The following MSN variants were observed in gnomAD, a reference collection of about 807,000 sequenced individuals.
MSN encodes the protein epididymis luminal protein 70.
MSN carries 2 observed loss-of-function variants against 48.0 expected under a neutral mutation model. That is an observed-to-expected ratio of 0.04 (90% CI 0.02 to 0.13). The LOEUF is 0.13. Among genes scored for constraint, MSN ranks in the 10% least tolerant of loss-of-function variants. The pLI, the probability that MSN is intolerant of heterozygous loss-of-function variation, is 1.00. For synonymous variants in MSN, 146 were observed against 166.9 expected (o/e 0.87, Z 0.97); for missense variants, 267 against 470.1 (o/e 0.57, Z 3.99).
intron 2 of MSN, among the ~76,000 whole-genome samples, chrX:65,719,858 G>A (rs1016518697): frequency 4.5e-5 from 5 of 111,502 alleles, no homozygotes; most frequent in Non-Finnish European, 9.4e-5. Flanking sequence ...GAGCCTAGTG[G>A]GGGCAGAAAA....
intron 1 of MSN, among the ~76,000 whole-genome samples, chrX:65,682,185 A>G (rs753040749): frequency 2.7e-5 from 3 of 112,188 alleles, no homozygotes; most frequent in South Asian, 3.7e-4. Context: ...GAAGCCTGCC[A>G]TGTACTGTGG....
chrX:65,665,769 C>G (rs1463284576), upstream of MSN, among the ~76,000 whole-genome samples: 1 of 111,584 alleles, frequency 9.0e-6, no homozygotes, highest in African/African-American at 3.3e-5. Context: ...AACTCAAGCC[C>G]AGAGAGGGGG....
chrX:65,667,953 G>C, intron 1 of MSN, 100 bp downstream of exon 1: 1 of 947,402 alleles, frequency 1.1e-6, no homozygotes, highest in Non-Finnish European at 1.5e-6. Context: ...CGGCCCGCCT[G>C]GGACGCCGCG....
intron 1 of MSN, among the ~76,000 whole-genome samples, chrX:65,661,445 G>A (rs902031157): frequency 1.1e-4 from 12 of 112,115 alleles, no homozygotes; most frequent in East Asian, 5.5e-4. Context: ...AACCAGCCTC[G>A]CACTCCAGGA....
chrX:65,737,157 C>T (rs1382100709), intron 9 of MSN, 21 bp from the exon 10 acceptor site: 3 of 1,194,452 alleles, frequency 2.5e-6, no homozygotes, highest in Non-Finnish European at 3.4e-6. Context: ...TCACTGCCTT[C>T]TCCCCTCCTT....
chrX:65,697,490 G>T (rs1031014651), intron 1 of MSN, among the ~76,000 whole-genome samples: 1 of 111,723 alleles, frequency 9.0e-6, no homozygotes, highest in South Asian at 3.7e-4. Context: ...CAATGGGTAG[G>T]TTCAGGCTGT....
chrX:65,739,149 T>C lies in MSN; in HGVS notation c.1524T>C (p.Arg508=). ...CCAAGGACCGCAGTGAGGAGGAACG[T>C]ACCACTGAGGCAGAGAAGAATGAGC... is the stretch of plus-strand genomic sequence containing the variant. ...AMAKDRSEEE[R]TTEAEKNERV... Residue 508 remains arginine, a synonymous_variant, in exon 12 of 13, where the codon CGT becomes CGC. Transcript: ENST00000360270. 8.3e-7 allele frequency: 1 copy of C among 1,211,576 alleles called. No individual in the cohort carries two copies. Among genetic ancestry groups the C allele is most frequent in the Non-Finnish European group, 1.1e-6 (1 of 895,298 alleles).
At chrX:65,615,081 C>T (rs1489121741) in intron 1 of MSN, among the ~76,000 whole-genome samples, 1 of 106,921 alleles carries the variant, frequency 9.4e-6, no homozygotes, top group African/African-American at 3.4e-5. Context: ...ATATGTGCCA[C>T]ATTTTCTTAA....
At chrX:65,686,561 T>G (rs1426661360) in intron 1 of MSN, among the ~76,000 whole-genome samples, 1 of 112,875 alleles carries the variant, frequency 8.9e-6, no homozygotes, top group Non-Finnish European at 1.9e-5. Flanking sequence ...TTTTAAATAA[T>G]TTTTTGGGCT....
intron 1 of MSN, 34 bp downstream of exon 1, chrX:65,667,887 T>A (rs1487208467): frequency 8.4e-7 from 1 of 1,190,902 alleles, no homozygotes; most frequent in African/African-American, 1.8e-5. Context: ...TCGACCCCAA[T>A]GGCTCTGGCT....
At chrX:65,732,030 T>C in intron 6 of MSN, 46 bp downstream of exon 6, 2 of 1,156,302 alleles carry the variant, frequency 1.7e-6, no homozygotes, top group Non-Finnish European at 2.3e-6. Flanking sequence ...CGTTAACATC[T>C]AGGGCTCACT....
At chrX:65,732,117 G>C in intron 6 of MSN, 133 bp downstream of exon 6, 1 of 678,917 alleles carries the variant, frequency 1.5e-6, no homozygotes, top group Non-Finnish European at 2.1e-6. Flanking sequence ...CAGCCCAGAT[G>C]ATTTCACAAC....
At chrX:65,705,423 G>T (rs1369640991) in intron 1 of MSN, among the ~76,000 whole-genome samples, 2 of 111,430 alleles carry the variant, frequency 1.8e-5, no homozygotes, top group Non-Finnish European at 3.8e-5. Context: ...TGCCCTGGGG[G>T]TATGGTTTGG....
intron 1 of MSN, among the ~76,000 whole-genome samples, chrX:65,629,916 C>A (rs1473008401): frequency 8.9e-6 from 1 of 111,915 alleles, no homozygotes; most frequent in Non-Finnish European, 1.9e-5. Flanking sequence ...AGGTGGCTCA[C>A]ACCTGTAATC....
intron 1 of MSN, among the ~76,000 whole-genome samples, chrX:65,705,766 A>C (rs1407619238): frequency 8.9e-6 from 1 of 111,846 alleles, no homozygotes; most frequent in Non-Finnish European, 1.9e-5. Context: ...TTCCAGTTGA[A>C]ATGCTTCTTG....
Position 65,737,465 on chromosome X carries a change from C to A in MSN, c.1251+127C>A, listed in dbSNP as rs764291464. 3.8e-6 allele frequency: 3 copies of A among 789,607 alleles called. No homozygotes were observed. The East Asian group carries it at 1.0e-4, about 28-fold the overall frequency. The allele number at this position is 789,607 out of a possible 1,213,427, so 65.1% of individuals were successfully genotyped here. ...AGGCTACCACTCCATGGGCCTCCAG[C>A]AAATAACTAGTTCAGAAGCAAGCTG... On this transcript the variant is annotated intron_variant, in intron 10 of 12. Transcript: ENST00000360270.
intron 1 of MSN, among the ~76,000 whole-genome samples, chrX:65,650,131 C>G (rs1162228838): frequency 1.0e-5 from 1 of 98,200 alleles, no homozygotes; most frequent in Non-Finnish European, 2.0e-5. Flanking sequence ...ACTGCAACCT[C>G]CCCCTCCTGC....
At chrX:65,696,998 G>T (rs2071249646) in intron 1 of MSN, among the ~76,000 whole-genome samples, 1 of 110,883 alleles carries the variant, frequency 9.0e-6, no homozygotes, top group Non-Finnish European at 1.9e-5. Flanking sequence ...CAAAAATGAA[G>T]GCTGTGAGCT....
Sources: gnomAD v4.1 joint callset for allele counts (sites outside exome capture counted in the v4.1 genomes callset) on GRCh38, gnomAD v4.1.1 for gene constraint, MANE v1.5 for transcripts, NCBI Gene and HGNC (gene_info 2026-07-23, HGNC 2026-07-21) for gene names.